Variants in XRN2 observed in about 807,000 individuals in gnomAD.
XRN2 encodes the protein DHM1-like protein.
In XRN2, 44 loss-of-function variants were observed where a neutral mutation model predicts 138.5. The ratio of observed to expected loss-of-function variants is 0.32; its 90% CI spans 0.25 to 0.41. The LOEUF is 0.41. Ranked by LOEUF, XRN2 falls within the 10% of genes least tolerant of loss-of-function variation. The pLI, the probability that XRN2 is intolerant of heterozygous loss-of-function variation, is 1.00. For missense variants in XRN2, 937 were observed against 1,169.3 expected (o/e 0.80, Z 2.90); for synonymous variants, 354 against 369.4 (o/e 0.96, Z 0.48).
At chr20:21,320,279 G>GTATTTATTTATTTATT (rs1438144106) in intron 1 of XRN2, among the ~76,000 whole-genome samples, 9 of 88,700 alleles carry the variant, frequency 1.0e-4, no homozygotes, top group South Asian at 4.6e-4. Flanking sequence ...ATTTATTTAT[G>GTATTTATTTATTTATT]TATTTATTTA....
chr20:21,326,423 T>C lies in XRN2; in HGVS notation c.203+17T>C. 6.2e-7 allele frequency: 1 copy of C among 1,613,702 alleles called. No homozygotes were observed. The highest frequency in any genetic ancestry group is 8.5e-7 in the Non-Finnish European group (1 of 1,179,716). ...TGAAGACAAGTACGTAACCCATTTT[T>C]GTCACTGATATAGCAAATCACAGAG... is the stretch of plus-strand genomic sequence containing the variant. On this transcript the variant is annotated intron_variant, in intron 2 of 29. Coordinates refer to ENST00000377191, the MANE Select transcript of XRN2 (RefSeq NM_012255.5).
At chr20:21,346,278 CTG>C in intron 16 of XRN2, 135 bp from the exon 17 acceptor site, 1 of 1,078,028 alleles carries the variant, frequency 9.3e-7, no homozygotes, top group Non-Finnish European at 1.3e-6. Context: ...TTAAATGAAT[CTG>C]TGTTAGCATG....
At chr20:21,328,738 A>G in intron 4 of XRN2, 68 bp downstream of exon 4, 1 of 1,384,620 alleles carries the variant, frequency 7.2e-7, no homozygotes, top group Non-Finnish European at 1.0e-6. Context: ...GGTGGTGGCA[A>G]CTTTTTCTTA....
chr20:21,312,055 TTC>T (rs2037888638), intron 1 of XRN2, among the ~76,000 whole-genome samples: 1 of 152,162 alleles, frequency 6.6e-6, no homozygotes, highest in South Asian at 2.1e-4. Context: ...ACTATTTGTT[TTC>T]TGTCTCATCT....
At chr20:21,311,735 C>T (rs370615356) in intron 1 of XRN2, among the ~76,000 whole-genome samples, 2 of 152,282 alleles carry the variant, frequency 1.3e-5, no homozygotes, top group East Asian at 3.9e-4. Context: ...CGCCTGCAAT[C>T]CCAGCACTTT....
intron 1 of XRN2, among the ~76,000 whole-genome samples, chr20:21,304,092 C>T (rs952129702): frequency 1.3e-5 from 2 of 152,116 alleles, no homozygotes; most frequent in East Asian, 3.9e-4. Flanking sequence ...GACTACTGAA[C>T]GGGGTGGGTG....
intron 21 of XRN2, 92 bp from the exon 22 acceptor site, chr20:21,355,988 T>A: frequency 1.2e-6 from 1 of 803,124 alleles, no homozygotes; most frequent in African/African-American, 1.7e-5. Context: ...TTCTTAACAC[T>A]TAGATGCTTT....
chr20:21,330,100 CAATG>C (rs1288580814), intron 4 of XRN2, among the ~76,000 whole-genome samples: 1 of 151,992 alleles, frequency 6.6e-6, no homozygotes. Flanking sequence ...CTGGCCAACA[CAATG>C]AAACTGCGTC....
Position 21,330,540 on chromosome 20 carries a change from G to C in XRN2, c.486+1G>C. 1 of 1,613,832 alleles carries C rather than the reference G, an allele frequency of 6.2e-7. No individual in the cohort carries two copies. The highest frequency in any genetic ancestry group is 8.5e-7 in the Non-Finnish European group (1 of 1,179,942). ...ATTTGACAGCAACTGTATTACACCA[G>C]TAAGTAGTCTCATACTTTGCTAGCT... On this transcript the variant is annotated splice_donor_variant, in intron 5 of 29. Transcript: ENST00000377191. LOFTEE classifies it high-confidence loss of function.
intron 27 of XRN2, among the ~76,000 whole-genome samples, chr20:21,380,052 C>T (rs564799606): frequency 1.3e-5 from 2 of 152,142 alleles, no homozygotes; most frequent in African/African-American, 4.8e-5. Context: ...GTGTATCCTG[C>T]GATTATACCA....
At chr20:21,352,202 A>T (rs1173229673) in intron 20 of XRN2, among the ~76,000 whole-genome samples, 1 of 152,182 alleles carries the variant, frequency 6.6e-6, no homozygotes, top group Non-Finnish European at 1.5e-5. Flanking sequence ...TGTTTTTAAA[A>T]CTTACTTAGT....
chr20:21,337,901 C>G (rs988678413), intron 13 of XRN2, among the ~76,000 whole-genome samples: 1 of 152,120 alleles, frequency 6.6e-6, no homozygotes, highest in African/African-American at 2.4e-5. Context: ...TGAAATCTGA[C>G]TAATGGATTT....
chr20:21,350,695 T>C (rs190386594), intron 20 of XRN2, among the ~76,000 whole-genome samples: 16 of 152,294 alleles, frequency 1.1e-4, no homozygotes, highest in East Asian at 1.9e-4. Flanking sequence ...TTTTTACTTA[T>C]TGTTCTCTGT....
chr20:21,320,385 C>T (rs2038022590), intron 1 of XRN2, among the ~76,000 whole-genome samples: 1 of 151,832 alleles, frequency 6.6e-6, no homozygotes, highest in Admixed American at 6.6e-5. Context: ...CTGCAAGCTC[C>T]ACCTCCCGGG....
intron 14 of XRN2, among the ~76,000 whole-genome samples, chr20:21,340,227 A>G (rs965066306): frequency 3.3e-5 from 5 of 152,126 alleles, no homozygotes; most frequent in African/African-American, 1.2e-4. Flanking sequence ...TTCAGGAAGC[A>G]GAGGTTGCAG....
chr20:21,382,491 A>G (rs2038896780), intron 28 of XRN2, among the ~76,000 whole-genome samples: 1 of 152,198 alleles, frequency 6.6e-6, no homozygotes, highest in African/African-American at 2.4e-5. Flanking sequence ...TTGAAGTCCT[A>G]ATCAGCTTCT....
At chr20:21,385,092 C>T (rs535647828) in intron 28 of XRN2, among the ~76,000 whole-genome samples, 85 of 152,098 alleles carry the variant, frequency 5.6e-4, no homozygotes, top group African/African-American at 1.9e-3. Context: ...AAGAACTTTG[C>T]GTTTTTAAAC....
At chr20:21,348,536 G>C (rs546003667) in intron 19 of XRN2, 106 bp downstream of exon 19, 1 of 996,800 alleles carries the variant, frequency 1.0e-6, no homozygotes, top group Non-Finnish European at 1.5e-6. Context: ...GTGAAGTACA[G>C]AAACAGTATG....
In XRN2 at chr20:21,344,130, G is replaced by A; in HGVS notation, c.1451G>A (p.Gly484Asp). 6.2e-7 allele frequency: 1 copy of A among 1,613,002 alleles called. No individual in the cohort carries two copies. Among genetic ancestry groups the A allele is most frequent in the Non-Finnish European group, 8.5e-7 (1 of 1,179,216 alleles). Residue 484 changes from glycine (G) to aspartate (D), a missense_variant, in exon 16 of 30, where the codon GGC becomes GAC. Physicochemically the swap from Gly to Asp is moderately conservative, Grantham distance 94. Coordinates refer to ENST00000377191, the MANE Select transcript of XRN2 (RefSeq NM_012255.5). ...CCTAATACGAGTTTCACATCTGATG[G>A]CTCCCCGTCTCCATTAGGAGGAATT... is the stretch of plus-strand genomic sequence containing the variant. The part of the protein sequence containing the change: ...ISPNTSFTSD[G>D]SPSPLGGIKR...
Sources: allele counts gnomAD v4.1 joint callset (sites outside exome capture counted in the v4.1 genomes callset), GRCh38; gene constraint gnomAD v4.1.1; transcripts MANE v1.5; gene names NCBI Gene and HGNC (gene_info 2026-07-23, HGNC 2026-07-21).